TAB2: variants seen among roughly 807,000 people sequenced by gnomAD.
The protein encoded by TAB2 is TGF-beta-activated kinase 1 and MAP3K7-binding protein 2.
TAB2 carries 3 observed loss-of-function variants against 65.0 expected under a neutral mutation model. That is an observed-to-expected ratio of 0.05 (90% CI 0.02 to 0.12). TAB2 has a LOEUF of 0.12. Ranked by LOEUF, TAB2 falls within the 10% of genes least tolerant of loss-of-function variation. The probability of loss-of-function intolerance (pLI) is 1.00; values close to 1 mark genes in which losing one functional copy is unlikely to be tolerated. For synonymous variants in TAB2, 298 were observed against 285.1 expected, an observed-to-expected ratio of 1.05 and a Z score of -0.46; for missense variants, 623 against 840.3, an observed-to-expected ratio of 0.74 and a Z score of 3.20.
chr6:149,241,917 T>A (rs1406834240), intron 1 of TAB2, among the ~76,000 whole-genome samples: 1 of 152,178 alleles, frequency 6.6e-6, no homozygotes, highest in Admixed American at 6.5e-5. Context: ...CTCTCTCTGC[T>A]GCCCCGTAAG....
intron 1 of TAB2, among the ~76,000 whole-genome samples, chr6:149,305,841 A>G (rs910541719): frequency 2.6e-5 from 4 of 152,360 alleles, no homozygotes; most frequent in African/African-American, 9.6e-5. Flanking sequence ...TCCATTTTAC[A>G]ATAGCAAGCA....
chr6:149,262,804 C>G (rs1300318477), intron 1 of TAB2, among the ~76,000 whole-genome samples: 2 of 151,654 alleles, frequency 1.3e-5, no homozygotes, highest in African/African-American at 4.8e-5. Flanking sequence ...TTTCCTTTTT[C>G]TTTTTTTTAT....
upstream of TAB2, among the ~76,000 whole-genome samples, chr6:149,315,325 C>T (rs1046072020): frequency 6.6e-6 from 1 of 152,156 alleles, no homozygotes; most frequent in Non-Finnish European, 1.5e-5. Flanking sequence ...CCCAGATTCA[C>T]CACCAAGGTT....
intron 1 of TAB2, among the ~76,000 whole-genome samples, chr6:149,222,554 G>A (rs1314965181): frequency 6.6e-6 from 1 of 151,074 alleles, no homozygotes; most frequent in African/African-American, 2.4e-5. Flanking sequence ...AGAGGCGGAG[G>A]TTGCACTGAA....
intron 1 of TAB2, among the ~76,000 whole-genome samples, chr6:149,366,343 C>T (rs1781039632): frequency 6.6e-6 from 1 of 152,008 alleles, no homozygotes; most frequent in African/African-American, 2.4e-5. Context: ...ATCTGTCGCA[C>T]ATATGTATAG....
At chr6:149,320,077 T>G (rs898821259) in intron 1 of TAB2, among the ~76,000 whole-genome samples, 9 of 152,126 alleles carry the variant, frequency 5.9e-5, no homozygotes, top group African/African-American at 2.2e-4. Flanking sequence ...TTTGTTTTTG[T>G]TTTCTTTGTT....
At chr6:149,260,040 C>T (rs1778119845) in intron 1 of TAB2, among the ~76,000 whole-genome samples, 1 of 152,188 alleles carries the variant, frequency 6.6e-6, no homozygotes, top group South Asian at 2.1e-4. Flanking sequence ...CTCAATCATC[C>T]CCAAGAGGAA....
chr6:149,317,669 C>T (rs1352281746), upstream of TAB2: 2 of 159,896 alleles, frequency 1.3e-5, no homozygotes, highest in Non-Finnish European at 2.7e-5. This position sits in a 1 kb window ranked among gnomAD's most constrained non-coding sequence, Gnocchi z 4.7. Flanking sequence ...GGAGGCCGAG[C>T]GAGCCGGAGC....
intron 1 of TAB2, among the ~76,000 whole-genome samples, chr6:149,361,257 C>T (rs991066643): frequency 5.9e-5 from 9 of 152,228 alleles, no homozygotes; most frequent in African/African-American, 2.2e-4. Context: ...GCCTGGCCAC[C>T]CAGACTTTCT....
chr6:149,239,454 C>T (rs1225309380), intron 1 of TAB2, among the ~76,000 whole-genome samples: 3 of 152,180 alleles, frequency 2.0e-5, no homozygotes, highest in East Asian at 1.9e-4. Flanking sequence ...CTAGAATTCA[C>T]GGTGATCAAA....
At chr6:149,224,214 T>C (rs1466998325) in intron 1 of TAB2, among the ~76,000 whole-genome samples, 3 of 152,172 alleles carry the variant, frequency 2.0e-5, no homozygotes, top group African/African-American at 4.8e-5. Flanking sequence ...ATGAACGAAA[T>C]GTAATCATGT....
chr6:149,357,430 A>AAAAACACACACACAC, intron 1 of TAB2, among the ~76,000 whole-genome samples: 1,320 of 111,010 alleles, frequency 0.012, 27 homozygotes, highest in South Asian at 0.024. Flanking sequence ...AGAAAAAAAA[A>AAAAACACACACACAC]ACACACACAC....
chr6:149,383,891 CAATCTT>C (rs1185435604), intron 3 of TAB2, among the ~76,000 whole-genome samples: 2 of 152,124 alleles, frequency 1.3e-5, no homozygotes, highest in African/African-American at 4.8e-5. Flanking sequence ...CTCAGTGACA[CAATCTT>C]GATCTAGTGT....
At chr6:149,399,815 A>C (rs1350086413) in intron 6 of TAB2, among the ~76,000 whole-genome samples, 1 of 152,250 alleles carries the variant, frequency 6.6e-6, no homozygotes, top group Non-Finnish European at 1.5e-5. Flanking sequence ...ATTTACTTTC[A>C]ACTCTAATAA....
intron 2 of TAB2, among the ~76,000 whole-genome samples, chr6:149,372,562 C>T (rs1781266115): frequency 6.6e-6 from 1 of 152,074 alleles, no homozygotes; most frequent in Non-Finnish European, 1.5e-5. Context: ...AGTAATATCA[C>T]CTTCCCTATG....
At chr6:149,240,103 T>C (rs911911904) in intron 1 of TAB2, among the ~76,000 whole-genome samples, 1 of 152,212 alleles carries the variant, frequency 6.6e-6, no homozygotes, top group Non-Finnish European at 1.5e-5. Context: ...AGCGCCAAAC[T>C]GCCCCGTTGT....
intron 1 of TAB2, among the ~76,000 whole-genome samples, chr6:149,288,296 T>C (rs1004877729): frequency 6.6e-6 from 1 of 152,160 alleles, no homozygotes; most frequent in Admixed American, 6.5e-5. Context: ...TTCATCTCAA[T>C]GCAAATTAGC....
chr6:149,272,516 C>A (rs940753317), intron 1 of TAB2, among the ~76,000 whole-genome samples: 1 of 152,210 alleles, frequency 6.6e-6, no homozygotes, highest in African/African-American at 2.4e-5. Context: ...GCAGCAATTA[C>A]ATCGCTCCAA....
intron 1 of TAB2, among the ~76,000 whole-genome samples, chr6:149,298,914 A>G (rs915678699): frequency 6.6e-6 from 1 of 152,270 alleles, no homozygotes; most frequent in Non-Finnish European, 1.5e-5. Context: ...GATTAATTCC[A>G]TAACTGGCAA....
Sources: allele counts gnomAD v4.1 joint callset (sites outside exome capture counted in the v4.1 genomes callset), GRCh38; gene constraint gnomAD v4.1.1; non-coding constraint Gnocchi (gnomAD v3.1); transcripts MANE v1.5; gene names NCBI Gene and HGNC (gene_info 2026-07-23, HGNC 2026-07-21).